Variants in TNPO3 observed in about 807,000 individuals in gnomAD.
TNPO3 encodes transportin 3, also known as transportin-3.
Under a neutral mutation model 122.8 loss-of-function variants are expected in TNPO3, and 65 were observed. That is an observed-to-expected ratio of 0.53 (90% CI 0.43 to 0.65). The LOEUF (loss-of-function observed/expected upper bound fraction) is 0.65, where lower values mean the gene tolerates loss of function less well. Ranked by LOEUF, TNPO3 falls within the 30% of genes least tolerant of loss-of-function variation. The probability of loss-of-function intolerance (pLI) is 0.00; values close to 1 mark genes in which losing one functional copy is unlikely to be tolerated. For synonymous variants in TNPO3, 372 were observed against 411.2 expected (o/e 0.90, Z 1.15); for missense variants, 850 against 1,136.7 (o/e 0.75, Z 3.63).
chr7:129,034,672 G>A (rs929031830), intron 1 of TNPO3, among the ~76,000 whole-genome samples: 6 of 151,194 alleles, frequency 4.0e-5, no homozygotes, highest in African/African-American at 7.3e-5. Context: ...GGCGGATCAC[G>A]AGGTCAGGAG....
At chr7:128,991,384 G>A (rs549337466) in intron 10 of TNPO3, among the ~76,000 whole-genome samples, 20 of 152,248 alleles carry the variant, frequency 1.3e-4, no homozygotes, top group African/African-American at 4.3e-4. Context: ...ACAATTCAGC[G>A]TGGCAGATAT....
chr7:129,006,676 T>G (rs1802613414), intron 4 of TNPO3, among the ~76,000 whole-genome samples: 1 of 152,204 alleles, frequency 6.6e-6, no homozygotes, highest in Non-Finnish European at 1.5e-5. Context: ...AAGATCTAAA[T>G]AGTGATATTT....
At chr7:128,988,829 A>C (rs1800448958) in intron 11 of TNPO3, among the ~76,000 whole-genome samples, 1 of 152,226 alleles carries the variant, frequency 6.6e-6, no homozygotes, top group Non-Finnish European at 1.5e-5. Flanking sequence ...CTGTAATCCT[A>C]GCACTTTGGG....
At chr7:129,044,341 T>C (rs1179578059) in intron 1 of TNPO3, among the ~76,000 whole-genome samples, 1 of 152,120 alleles carries the variant, frequency 6.6e-6, no homozygotes, top group Non-Finnish European at 1.5e-5. Flanking sequence ...TATTACACTA[T>C]GACTGAGACA....
In TNPO3 at chr7:128,954,481, T is replaced by G. The variant is rs1223563388; in HGVS notation, c.*936A>C. The G allele has an allele frequency of 1.3e-5, 2 of 152,214 alleles. No individual in the cohort carries two copies. Among genetic ancestry groups the G allele is most frequent in the Non-Finnish European group, 2.9e-5 (2 of 68,048 alleles). The allele number at this position is 152,214 out of a possible 1,614,324, so 9.4% of individuals were successfully genotyped here. A position where few individuals can be genotyped will look rare whatever the true frequency, so the allele number is the denominator to read the frequency against. On this transcript the variant is annotated 3_prime_UTR_variant, in exon 23 of 23. Transcript: ENST00000265388. ...TTCTCTCATGTCTGTGGGTGAATAA[T>G]TCACTAAGAAAAAAACCTTAAAAAA...
chr7:128,975,275 T>A (rs535342938), intron 17 of TNPO3, among the ~76,000 whole-genome samples: 107 of 152,354 alleles, frequency 7.0e-4, no homozygotes, highest in Admixed American at 1.7e-3. Context: ...TATTTAGGTA[T>A]AGTCCACTAA....
intron 21 of TNPO3, 51 bp from the exon 22 acceptor site, chr7:128,957,366 T>C (rs749317060): frequency 6.3e-7 from 1 of 1,596,200 alleles, no homozygotes; most frequent in East Asian, 2.2e-5. Flanking sequence ...AGACAGAATA[T>C]GCTGAAAAAC....
chr7:129,026,637 C>T (rs1805213027), intron 1 of TNPO3, among the ~76,000 whole-genome samples: 1 of 152,140 alleles, frequency 6.6e-6, no homozygotes, highest in South Asian at 2.1e-4. Context: ...CTCCTGACTT[C>T]AGGTGATCTG....
At chr7:128,963,433 CT>C in intron 21 of TNPO3, among the ~76,000 whole-genome samples, 1 of 152,164 alleles carries the variant, frequency 6.6e-6, no homozygotes. Context: ...CCTGAAACAG[CT>C]TGTAGACAGA....
chr7:129,004,315 G>T (rs903164997), intron 5 of TNPO3, among the ~76,000 whole-genome samples: 1 of 152,116 alleles, frequency 6.6e-6, no homozygotes, highest in Non-Finnish European at 1.5e-5. Context: ...AGCAGAAAGA[G>T]ACAAAGTTTT....
intron 19 of TNPO3, among the ~76,000 whole-genome samples, chr7:128,971,399 G>A (rs1798476880): frequency 1.3e-5 from 2 of 152,172 alleles, no homozygotes; most frequent in African/African-American, 4.8e-5. Context: ...GCACGCCTTG[G>A]CCTCCCAAAG....
intron 6 of TNPO3, 145 bp from the exon 7 acceptor site, chr7:129,000,712 T>C: frequency 1.2e-6 from 1 of 823,966 alleles, no homozygotes; most frequent in Non-Finnish European, 1.9e-6. Context: ...ACAATCCCCA[T>C]GACAGACACC....
chr7:129,045,288 T>C (rs1016641012), intron 1 of TNPO3, among the ~76,000 whole-genome samples: 1 of 152,144 alleles, frequency 6.6e-6, no homozygotes, highest in African/African-American at 2.4e-5. Context: ...ATGGTGATGG[T>C]TGCACAACAA....
chr7:128,980,714 AAACAAC>A (rs766836664), intron 14 of TNPO3, among the ~76,000 whole-genome samples: 17 of 152,176 alleles, frequency 1.1e-4, no homozygotes, highest in Admixed American at 7.8e-4. Flanking sequence ...AAACAAACAA[AAACAAC>A]AACAACAACA....
At chr7:129,037,874 A>AG (rs1195930642) in intron 1 of TNPO3, among the ~76,000 whole-genome samples, 1 of 152,182 alleles carries the variant, frequency 6.6e-6, no homozygotes, top group Non-Finnish European at 1.5e-5. Flanking sequence ...CACTGAGAGA[A>AG]GGGAAAAAAA....
At chr7:129,053,485 ACT>A (rs1181079277) in intron 1 of TNPO3, among the ~76,000 whole-genome samples, 6 of 139,642 alleles carry the variant, frequency 4.3e-5, no homozygotes, top group African/African-American at 1.1e-4. Flanking sequence ...ACAAAGCGAG[ACT>A]CTGTCTCAAA....
intron 1 of TNPO3, among the ~76,000 whole-genome samples, chr7:129,037,918 C>T (rs1429083992): frequency 2.6e-5 from 4 of 152,000 alleles, no homozygotes; most frequent in African/African-American, 9.6e-5. Context: ...AGATGCAAGG[C>T]AAAGAATGAA....
chr7:129,003,296 GGTT>G (rs374082087), intron 5 of TNPO3, among the ~76,000 whole-genome samples: 31,854 of 107,374 alleles, frequency 0.3, 5,320 homozygotes, highest in Middle Eastern at 0.41. Flanking sequence ...TAATTTTTAG[GGTT>G]TTTTTTTTTT....
At chr7:129,000,879 C>G (rs137870854) in intron 6 of TNPO3, among the ~76,000 whole-genome samples, 180 bp downstream of exon 6, 15 of 152,248 alleles carry the variant, frequency 9.9e-5, no homozygotes, top group Admixed American at 9.8e-4. Context: ...TTCTACAAAC[C>G]CTGCACCCAA....
Sources: gnomAD v4.1 joint callset for allele counts (sites outside exome capture counted in the v4.1 genomes callset) on GRCh38, gnomAD v4.1.1 for gene constraint, MANE v1.5 for transcripts, NCBI Gene and HGNC (gene_info 2026-07-23, HGNC 2026-07-21) for gene names.